Variants in SGSM1 observed in about 807,000 individuals in gnomAD.
SGSM1 encodes RUN and TBC1 domain containing 2.
Under a neutral mutation model 133.8 loss-of-function variants are expected in SGSM1, and 73 were observed. The ratio of observed to expected loss-of-function variants is 0.55; its 90% confidence interval spans 0.45 to 0.66. The LOEUF (loss-of-function observed/expected upper bound fraction) is 0.66, where lower values mean the gene tolerates loss of function less well. Ranked by LOEUF, SGSM1 falls within the 30% of genes least tolerant of loss-of-function variation. SGSM1 has a pLI of 0.00. For missense variants in SGSM1, 1,213 were observed against 1,448.1 expected, an observed-to-expected ratio of 0.84 and a Z score of 2.64; for synonymous variants, 563 against 573.0, an observed-to-expected ratio of 0.98 and a Z score of 0.25.
At position 24,843,261 on chromosome 22, in the gene SGSM1, G is replaced by A. The variant is rs144605765; in HGVS notation, c.64-1636G>A. Reference sequence around the variant, plus strand: ...AGGAGCTGTTCACAGCGCTGGTGCTGACTTGGTTGTGTGGGGTGGGGGTGG... The same window carrying A: ...AGGAGCTGTTCACAGCGCTGGTGCTAACTTGGTTGTGTGGGGTGGGGGTGG... On this transcript the variant is annotated intron_variant, in intron 2 of 24. Transcript: ENST00000400358. 1.1e-3 allele frequency among the ~76,000 whole-genome samples: 161 copies of A among 152,212 alleles called. 5 individuals are homozygous for A. The East Asian group carries it at 0.03, about 28-fold the overall frequency.
intron 14 of SGSM1, among the ~76,000 whole-genome samples, chr22:24,882,355 G>C (rs6004344): frequency 0.23 from 35,127 of 151,982 alleles, 5,539 homozygotes; most frequent in African/African-American, 0.45. Flanking sequence ...CAGGCTTGAG[G>C]CACTGTGCCC....
chr22:24,912,913 G>C (rs1933685869), intron 22 of SGSM1, among the ~76,000 whole-genome samples, 161 bp downstream of exon 22: 1 of 152,016 alleles, frequency 6.6e-6, no homozygotes, highest in African/African-American at 2.4e-5. Context: ...GTGGGCCTCA[G>C]TTTTCTTATC....
intron 16 of SGSM1, among the ~76,000 whole-genome samples, chr22:24,890,898 A>G (rs1932804242): frequency 2.0e-5 from 3 of 152,198 alleles, no homozygotes; most frequent in Non-Finnish European, 2.9e-5. Context: ...ACTATTATTT[A>G]TTTAACATTT....
At chr22:24,839,909 G>A (rs1437483982) in intron 2 of SGSM1, among the ~76,000 whole-genome samples, 6 of 143,166 alleles carry the variant, frequency 4.2e-5, no homozygotes, top group African/African-American at 7.7e-5. Flanking sequence ...CAGTTTTGTC[G>A]ATCTTTTGGA....
intron 8 of SGSM1, among the ~76,000 whole-genome samples, chr22:24,859,032 G>A (rs1930973051): frequency 6.6e-6 from 1 of 152,194 alleles, no homozygotes; most frequent in African/African-American, 2.4e-5. Flanking sequence ...ATACTGCACT[G>A]CTCCTCCCTT....
intron 12 of SGSM1, among the ~76,000 whole-genome samples, chr22:24,875,570 G>T (rs1320779132): frequency 6.6e-6 from 1 of 151,630 alleles, no homozygotes; most frequent in Non-Finnish European, 1.5e-5. Context: ...AACCCAGGAG[G>T]CGGAGCTTGC....
rs113624547 is a variant in SGSM1, at chr22:24,921,256, C to T, written c.3193+1263C>T. Among the ~76,000 whole-genome samples the T allele has an allele frequency of 2.6e-3, 395 of 152,134 alleles. 2 individuals carry two copies. Among genetic ancestry groups the T allele is most frequent in the African/African-American group, 8.8e-3 (364 of 41,510 alleles). On this transcript the variant is annotated intron_variant, in intron 24 of 24. Transcript: ENST00000400358. Reference sequence around the variant, plus strand: ...CTGGGATTACAGACACGCACCACCACGCCCGGCTAATTTTTATATTTTTAG... The same window carrying T: ...CTGGGATTACAGACACGCACCACCATGCCCGGCTAATTTTTATATTTTTAG...
chr22:24,920,092 G>A, intron 24 of SGSM1, 99 bp downstream of exon 24: 1 of 1,279,870 alleles, frequency 7.8e-7, no homozygotes, highest in East Asian at 2.5e-5. Flanking sequence ...ATGGATGCAT[G>A]GTGAAGGGGA....
intron 2 of SGSM1, among the ~76,000 whole-genome samples, chr22:24,828,859 T>C (rs1243162328): frequency 2.0e-5 from 3 of 151,984 alleles, no homozygotes; most frequent in Admixed American, 1.3e-4. Flanking sequence ...ATAAAGAAAA[T>C]GTGGTACGTA....
intron 2 of SGSM1, among the ~76,000 whole-genome samples, chr22:24,833,788 A>G (rs115260757): frequency 0.015 from 2,360 of 152,340 alleles, 64 homozygotes; most frequent in African/African-American, 0.053. Context: ...AAGGAAAGGA[A>G]TGGAGAATGA....
At chr22:24,872,440 A>T (rs1223642388) in intron 12 of SGSM1, among the ~76,000 whole-genome samples, 1 of 152,120 alleles carries the variant, frequency 6.6e-6, no homozygotes, top group East Asian at 1.9e-4. Flanking sequence ...TCCAGGGCAG[A>T]TGGGGATGTG....
intron 2 of SGSM1, among the ~76,000 whole-genome samples, chr22:24,826,288 C>A (rs5752010): frequency 2.6e-5 from 4 of 152,150 alleles, no homozygotes; most frequent in African/African-American, 9.7e-5. Flanking sequence ...AAAGATTATT[C>A]TTTGTTTATC....
In SGSM1 at chr22:24,818,624, C is replaced by T. The variant is rs1051731733; in HGVS notation, c.63+12140C>T. ...TCAGATGATCCACCTGCCTCGGCCT[C>T]CCAGAGTGCTGGGATTACAGGTGTG... On this transcript the variant is annotated intron_variant, in intron 2 of 24. Coordinates refer to ENST00000400358, the MANE Select transcript of SGSM1 (RefSeq NM_001098497.3). Among the ~76,000 whole-genome samples, 4 of 151,858 alleles carry T rather than the reference C, an allele frequency of 2.6e-5. No individual in the cohort carries two copies. In the East Asian group the frequency reaches 8.0e-4, roughly 30 times the overall value.
At chr22:24,833,903 C>G (rs1929272878) in intron 2 of SGSM1, among the ~76,000 whole-genome samples, 1 of 152,246 alleles carries the variant, frequency 6.6e-6, no homozygotes. Context: ...TAGTTGGTGA[C>G]AGAGCTAGAA....
chr22:24,912,584 C>A, intron 21 of SGSM1, 59 bp from the exon 22 acceptor site: 1 of 1,151,148 alleles, frequency 8.7e-7, no homozygotes, highest in Non-Finnish European at 1.3e-6. Context: ...AGAGGACAAA[C>A]ATCTGAACCA....
At chr22:24,914,853 T>G (rs1933766613) in intron 22 of SGSM1, among the ~76,000 whole-genome samples, 1 of 152,136 alleles carries the variant, frequency 6.6e-6, no homozygotes, top group South Asian at 2.1e-4. Flanking sequence ...CATTTTCCTG[T>G]TGGTGGTCAT....
chr22:24,837,531 G>A (rs1465779016), intron 2 of SGSM1, among the ~76,000 whole-genome samples: 2 of 149,616 alleles, frequency 1.3e-5, no homozygotes, highest in Non-Finnish European at 2.9e-5. Flanking sequence ...CCCTCCACAA[G>A]AGGTGGAGGA....
chr22:24,902,521 T>C (rs1305941404), intron 20 of SGSM1, among the ~76,000 whole-genome samples: 2 of 152,090 alleles, frequency 1.3e-5, no homozygotes, highest in East Asian at 3.9e-4. Flanking sequence ...CAAAATAATT[T>C]TTTTTAACTC....
intron 2 of SGSM1, among the ~76,000 whole-genome samples, chr22:24,824,267 G>A (rs1928662654): frequency 6.6e-6 from 1 of 152,176 alleles, no homozygotes; most frequent in African/African-American, 2.4e-5. Context: ...ACCAGGAGGT[G>A]GGAGTCACCT....
Sources: allele counts gnomAD v4.1 joint callset (sites outside exome capture counted in the v4.1 genomes callset), GRCh38; gene constraint gnomAD v4.1.1; transcripts MANE v1.5; gene names NCBI Gene and HGNC (gene_info 2026-07-23, HGNC 2026-07-21).